NR5A1: variants seen among roughly 807,000 people sequenced by gnomAD.
NR5A1 encodes steroidogenic factor 1.
Under a neutral mutation model 42.7 loss-of-function variants are expected in NR5A1, and 6 were observed. The observed-to-expected ratio is 0.14, with a 90% confidence interval of 0.08 to 0.28. NR5A1 has a LOEUF of 0.28. NR5A1 is among the 10% of genes least tolerant of loss of function. The pLI is 1.00. For missense variants in NR5A1, 442 were observed against 626.4 expected (o/e 0.71, Z 3.14); for synonymous variants, 274 against 277.5 (o/e 0.99, Z 0.12).
chr9:124,484,403 C>A (rs1389037663), intron 6 of NR5A1, among the ~76,000 whole-genome samples: 1 of 152,136 alleles, frequency 6.6e-6, no homozygotes, highest in Non-Finnish European at 1.5e-5. Flanking sequence ...AAACAAAAAT[C>A]ACAGAAGGGA....
chr9:124,504,667 C>A (rs1025318573), intron 1 of NR5A1, among the ~76,000 whole-genome samples: 1 of 150,526 alleles, frequency 6.6e-6, no homozygotes, highest in Non-Finnish European at 1.5e-5. Context: ...CGGCTGCGGT[C>A]GGCCCGGCGC....
At position 124,482,293 on chromosome 9, in the gene NR5A1, G is replaced by A. The variant is rs909128525; in HGVS notation, c.*465C>T. The A allele has an allele frequency of 1.2e-5, 3 of 254,202 alleles. No individual in the cohort carries two copies. Among genetic ancestry groups the A allele is most frequent in the African/African-American group, 6.7e-5 (3 of 44,834 alleles). The allele number at this position is 254,202 out of a possible 1,614,324, so 15.7% of individuals were successfully genotyped here. On this transcript the variant is annotated 3_prime_UTR_variant, in exon 7 of 7. Coordinates refer to ENST00000373588, the MANE Select transcript of NR5A1 (RefSeq NM_004959.5). Reference sequence around the variant, plus strand: ...GAGGCTCTCCCTCCTGGTCTCTATGGGGGGAACACTGGAGACCCTCTCTCC... The same window carrying A: ...GAGGCTCTCCCTCCTGGTCTCTATGAGGGGAACACTGGAGACCCTCTCTCC...
intron 4 of NR5A1, among the ~76,000 whole-genome samples, chr9:124,499,325 C>T (rs1037824862): frequency 5.3e-5 from 8 of 152,186 alleles, no homozygotes; most frequent in African/African-American, 1.9e-4. Flanking sequence ...CATCAGGTAC[C>T]TCGACCCAGG....
chr9:124,483,525 G>T (rs924898956), intron 6 of NR5A1, among the ~76,000 whole-genome samples: 2 of 152,206 alleles, frequency 1.3e-5, no homozygotes, highest in Non-Finnish European at 2.9e-5. Flanking sequence ...GAGAAGCTCG[G>T]TGGGTTGGGT....
chr9:124,506,562 A>T (rs1832563666), intron 1 of NR5A1, among the ~76,000 whole-genome samples: 1 of 152,126 alleles, frequency 6.6e-6, no homozygotes, highest in African/African-American at 2.4e-5. Flanking sequence ...TCTCCTGGAA[A>T]CCTGGAGCTG....
chr9:124,502,537 C>A (rs1159438489), intron 3 of NR5A1, among the ~76,000 whole-genome samples: 1 of 152,204 alleles, frequency 6.6e-6, no homozygotes, highest in Non-Finnish European at 1.5e-5. Flanking sequence ...CCATGTTGCC[C>A]AGGCTGGTCT....
chr9:124,506,747 C>T lies in NR5A1; in HGVS notation c.-16+502G>A, dbSNP rs557226872. On this transcript the variant is annotated intron_variant, in intron 1 of 6. Coordinates refer to ENST00000373588, the MANE Select transcript of NR5A1 (RefSeq NM_004959.5). ...CCACAGGTTCCAGGTTCCAGCCCAC[C>T]GCCTGGGGAGTTCCAGCCCCTCATC... Among the ~76,000 whole-genome samples, 23 of 152,310 alleles carry T rather than the reference C, an allele frequency of 1.5e-4. 1 individual carries two copies. Among genetic ancestry groups the T allele is most frequent in the African/African-American group, 3.6e-4 (15 of 41,572 alleles).
At position 124,498,596 on chromosome 9, in the gene NR5A1, A is replaced by T. The variant is rs1832421026; in HGVS notation, c.870+1494T>A. Among the ~76,000 whole-genome samples, 1 of 152,184 alleles carries T rather than the reference A, an allele frequency of 6.6e-6. No homozygotes were observed. The highest frequency in any genetic ancestry group is 2.4e-5 in the African/African-American group (1 of 41,450). ...GGGGGTGCATGGGAAGTCTGGAGGG[A>T]AGCTAGCAACCAACCCAAGATGCTT... is the stretch of plus-strand genomic sequence containing the variant. On this transcript the variant is annotated intron_variant, in intron 4 of 6. Coordinates refer to ENST00000373588, the MANE Select transcript of NR5A1 (RefSeq NM_004959.5). The surrounding 1 kb of genome is among the most constrained non-coding windows in gnomAD (Gnocchi z 4.6).
At chr9:124,490,485 G>A (rs1281508777) in intron 6 of NR5A1, among the ~76,000 whole-genome samples, 1 of 152,240 alleles carries the variant, frequency 6.6e-6, no homozygotes, top group South Asian at 2.1e-4. Context: ...GCTGGGCCAG[G>A]CCTGCTCTCT....
intron 1 of NR5A1, among the ~76,000 whole-genome samples, chr9:124,504,051 AC>A (rs61048192): frequency 0.03 from 3,827 of 126,374 alleles, 434 homozygotes; most frequent in African/African-American, 0.14. Context: ...AGAGAGAGAG[AC>A]GAGAGAGAGA....
chr9:124,491,036 C>CCCCCCCCCCCGGGGG, intron 6 of NR5A1, 45 bp downstream of exon 6: 2 of 1,401,598 alleles, frequency 1.4e-6, no homozygotes, highest in East Asian at 3.0e-5. Context: ...CCCACCCACC[C>CCCCCCCCCCCGGGGG]GCCTCTGGCT....
Position 124,491,154 on chromosome 9 carries a change from C to T in NR5A1, c.1065G>A (p.Val355=). 2 of 1,609,146 alleles carry T rather than the reference C, an allele frequency of 1.2e-6. No homozygotes were observed. Among genetic ancestry groups the T allele is most frequent in the South Asian group, 2.2e-5 (2 of 90,326 alleles). Residue 355 remains valine (V), a synonymous_variant, in exon 6 of 7, where the codon GTG becomes GTA. Transcript: ENST00000373588. ...HSLVLRAQEL[V]LQLLALQLDR... is the part of the protein sequence containing the mutation. ...CCAGCTGCAGCGCAAGCAGCTGCAG[C>T]ACCAGCTCCTGCGCCCGCAACACCA...
In NR5A1 at chr9:124,482,670, C is replaced by T; in HGVS notation, c.*88G>A. ...TCCTCGGTGGGCATCAGAAAATGAA[C>T]CATGCGGAGCCAGCGGTGTGGCTGC... On this transcript the variant is annotated 3_prime_UTR_variant, in exon 7 of 7. Coordinates refer to ENST00000373588, the MANE Select transcript of NR5A1 (RefSeq NM_004959.5). 3 of 1,438,300 alleles carry T rather than the reference C, an allele frequency of 2.1e-6. No individual in the cohort carries two copies. The highest frequency in any genetic ancestry group is 2.8e-6 in the Non-Finnish European group (3 of 1,060,246). The allele number at this position is 1,438,300 out of a possible 1,614,324, so 89.1% of individuals were successfully genotyped here.
chr9:124,504,373 C>G (rs114242027), intron 1 of NR5A1, among the ~76,000 whole-genome samples: 1,802 of 152,188 alleles, frequency 0.012, 38 homozygotes, highest in East Asian at 0.08. Flanking sequence ...GGGCCCGGGC[C>G]GCAGGAGGCG....
At chr9:124,484,622 C>T (rs183129333) in intron 6 of NR5A1, among the ~76,000 whole-genome samples, 16 of 152,150 alleles carry the variant, frequency 1.1e-4, no homozygotes, top group South Asian at 2.1e-4. Flanking sequence ...GGCATGGTGG[C>T]GCGCACCTGT....
At position 124,491,054 on chromosome 9, in the gene NR5A1, C is replaced by T. The variant is rs753328268; in HGVS notation, c.1138+27G>A. ...ACCCACCCGCCTCTGGCTGTCTCCA[C>T]CTCTCTGTCACTGGAGCTGCACTCA... On this transcript the variant is annotated intron_variant, in intron 6 of 6. Transcript: ENST00000373588. 2.8e-6 allele frequency: 4 copies of T among 1,443,492 alleles called. No homozygotes were observed. In the East Asian group the frequency reaches 1.1e-4, roughly 41 times the overall value. 89.4% of individuals were successfully genotyped at this position (1,443,492 alleles called of 1,614,324 possible).
intron 6 of NR5A1, 72 bp from the exon 7 acceptor site, chr9:124,483,077 C>T (rs1832153955): frequency 6.2e-7 from 1 of 1,606,000 alleles, no homozygotes; most frequent in African/African-American, 1.3e-5. Context: ...ACACCGTCAC[C>T]AGCATCACCA....
intron 6 of NR5A1, among the ~76,000 whole-genome samples, chr9:124,484,737 G>C (rs1163887788): frequency 6.7e-6 from 1 of 150,272 alleles, no homozygotes. Flanking sequence ...CTGGGCAACA[G>C]AGCAAGACTC....
intron 4 of NR5A1, among the ~76,000 whole-genome samples, chr9:124,494,821 A>G (rs1034668873): frequency 7.9e-5 from 12 of 152,150 alleles, no homozygotes; most frequent in Non-Finnish European, 1.8e-4. Context: ...CCAGAGGCAC[A>G]CAGAGACCAC....
Sources: gnomAD v4.1 joint callset for allele counts (sites outside exome capture counted in the v4.1 genomes callset) on GRCh38, gnomAD v4.1.1 for gene constraint, Gnocchi (gnomAD v3.1) non-coding constraint, MANE v1.5 for transcripts, NCBI Gene and HGNC (gene_info 2026-07-23, HGNC 2026-07-21) for gene names.